Variants in PTPN3 observed in about 807,000 individuals in gnomAD.
The protein encoded by PTPN3 is tyrosine-protein phosphatase non-receptor type 3.
PTPN3 carries 96 observed loss-of-function variants against 132.7 expected under a neutral mutation model. The ratio of observed to expected loss-of-function variants is 0.72; its 90% confidence interval spans 0.61 to 0.86. The LOEUF (loss-of-function observed/expected upper bound fraction) is 0.86. Among genes scored for constraint, PTPN3 ranks in the 40% least tolerant of loss-of-function variants. The probability of loss-of-function intolerance (pLI) is 0.00; values close to 1 mark genes in which losing one functional copy is unlikely to be tolerated. For missense variants in PTPN3, 1,125 were observed against 1,159.6 expected (o/e 0.97, Z 0.43); for synonymous variants, 398 against 429.0 (o/e 0.93, Z 0.89).
intron 14 of PTPN3, among the ~76,000 whole-genome samples, chr9:109,420,135 C>T (rs1256054943): frequency 6.6e-6 from 1 of 152,108 alleles, no homozygotes; most frequent in African/African-American, 2.4e-5. Flanking sequence ...CTGGGCTTTG[C>T]TTGTGAGCTG....
intron 1 of PTPN3, among the ~76,000 whole-genome samples, chr9:109,487,315 T>C (rs1182773190): frequency 6.6e-6 from 1 of 152,338 alleles, no homozygotes; most frequent in East Asian, 1.9e-4. Flanking sequence ...GAGCAGTCCC[T>C]GGCCACTGTG....
chr9:109,425,008 C>T (rs1206323885), intron 12 of PTPN3, among the ~76,000 whole-genome samples: 1 of 152,174 alleles, frequency 6.6e-6, no homozygotes, highest in African/African-American at 2.4e-5. Context: ...GTTTCAGTTG[C>T]CTCCCCATTC....
intron 23 of PTPN3, 109 bp from the exon 24 acceptor site, chr9:109,382,556 C>T (rs542895027): frequency 4.6e-5 from 58 of 1,266,814 alleles, no homozygotes; most frequent in African/African-American, 1.6e-4. Flanking sequence ...TCTCCCTCTG[C>T]GCACAGCCCT....
chr9:109,442,472 G>A (rs924502528), intron 7 of PTPN3, among the ~76,000 whole-genome samples: 8 of 152,204 alleles, frequency 5.3e-5, no homozygotes, highest in South Asian at 2.1e-4. Flanking sequence ...TGACAGTAAT[G>A]TGACTATTTC....
the PTPN3 span, among the ~76,000 whole-genome samples, chr9:109,505,105 A>G: frequency 9.8e-5 from 15 of 152,286 alleles, no homozygotes; most frequent in Admixed American, 9.8e-4. Flanking sequence ...AGAGTCAGTA[A>G]TAATAGTGAA....
At chr9:109,456,813 G>GTGTT (rs1357293914) in intron 4 of PTPN3, among the ~76,000 whole-genome samples, 1 of 147,240 alleles carries the variant, frequency 6.8e-6, no homozygotes, top group African/African-American at 2.5e-5. Context: ...AAAGTATGAG[G>GTGTT]TGTTTGTGTT....
chr9:109,533,649 T>C, the PTPN3 span: 5 of 1,497,536 alleles, frequency 3.3e-6, no homozygotes, highest in Non-Finnish European at 4.6e-6. Flanking sequence ...CTACCTTGTT[T>C]TCCTGCACCC....
intron 7 of PTPN3, among the ~76,000 whole-genome samples, 198 bp downstream of exon 7, chr9:109,445,042 C>T (rs111675304): frequency 7.3e-4 from 111 of 152,364 alleles, no homozygotes; most frequent in African/African-American, 2.4e-3. Flanking sequence ...CCCTTAACCA[C>T]CTTCCTTAAT....
the PTPN3 span, among the ~76,000 whole-genome samples, chr9:109,531,790 A>G: frequency 6.6e-6 from 1 of 151,836 alleles, no homozygotes; most frequent in African/African-American, 2.4e-5. Flanking sequence ...GGATCCCAAC[A>G]CTTGATTCTC....
chr9:109,463,941 T>G (rs1034305767), intron 1 of PTPN3, among the ~76,000 whole-genome samples: 1 of 152,132 alleles, frequency 6.6e-6, no homozygotes, highest in Non-Finnish European at 1.5e-5. Flanking sequence ...AATATATACA[T>G]CTGCCAAGAA....
At chr9:109,472,926 T>C (rs1001938244) in intron 1 of PTPN3, among the ~76,000 whole-genome samples, 4 of 152,234 alleles carry the variant, frequency 2.6e-5, no homozygotes, top group African/African-American at 9.6e-5. Context: ...CCTGAACCTA[T>C]ATACTAAAAC....
the PTPN3 span, among the ~76,000 whole-genome samples, chr9:109,503,712 C>CA: frequency 0.19 from 23,697 of 122,566 alleles, 2,127 homozygotes; most frequent in Middle Eastern, 0.32. Context: ...GACTCCATCT[C>CA]AAAAAAAAAA....
intron 10 of PTPN3, among the ~76,000 whole-genome samples, chr9:109,430,049 T>C (rs1293953062): frequency 2.0e-5 from 3 of 152,210 alleles, no homozygotes; most frequent in African/African-American, 7.2e-5. Context: ...TTGGTAGATG[T>C]AACTGTGAAG....
In PTPN3 at chr9:109,498,229, CG is replaced by C; in HGVS notation, c.-29del. ...CGCACGGGCCCGTACCTGCAGCATC[CG>C]GGGGCGCGGAGCGCCCAGGTAGGTC... On this transcript the variant is annotated 5_prime_UTR_variant, in exon 1 of 26. Coordinates refer to ENST00000374541, the MANE Select transcript of PTPN3 (RefSeq NM_002829.4). The surrounding 1 kb of genome is among the most constrained non-coding windows in gnomAD (Gnocchi z 4.2). 1 of 146,616 alleles carries C rather than the reference CG, an allele frequency of 6.8e-6. No individual in the cohort carries two copies. 9.1% of individuals were successfully genotyped at this position (146,616 alleles called of 1,614,324 possible).
Position 109,451,708 on chromosome 9 carries a change from G to A in PTPN3, c.368+2788C>T, listed in dbSNP as rs533116599. Among the ~76,000 whole-genome samples, 39 of 152,302 alleles carry A rather than the reference G, an allele frequency of 2.6e-4. No homozygotes were observed. In the East Asian group the frequency reaches 4.1e-3, roughly 16 times the overall value. The stretch of plus-strand genomic sequence containing the variant: ...GAGAAGTGGGCTTCTCTTCCACAGC[G>A]TATGGAAGTGGATGGCCAATGGCCA... On this transcript the variant is annotated intron_variant, in intron 5 of 25. Transcript: ENST00000374541.
intron 11 of PTPN3, among the ~76,000 whole-genome samples, chr9:109,427,493 T>G (rs1366821610): frequency 6.6e-6 from 1 of 152,260 alleles, no homozygotes; most frequent in Non-Finnish European, 1.5e-5. Flanking sequence ...AGGAATACTC[T>G]TTCATCTATC....
chr9:109,410,265 G>C lies in PTPN3; in HGVS notation c.1464C>G (p.Gly488=), dbSNP rs758336144. The change falls in exon 15 of 26, where the codon GGC becomes GGG. Residue 488 remains glycine, a synonymous_variant. Coordinates refer to ENST00000374541, the MANE Select transcript of PTPN3 (RefSeq NM_002829.4). ...AGTACTGGCTGGCGTCCTCGGTGGA[G>C]CCCCCTTTGGTCACCCTGTGGAAGT... is the stretch of plus-strand genomic sequence containing the variant. The part of the protein sequence containing the change: ...LDDFHRVTKG[G]STEDASQYYC... The C allele has an allele frequency of 1.9e-6, 3 of 1,614,096 alleles. No homozygotes were observed.
the PTPN3 span, among the ~76,000 whole-genome samples, chr9:109,513,611 A>T: frequency 8.3e-4 from 127 of 152,280 alleles, no homozygotes; most frequent in Middle Eastern, 3.4e-3. Context: ...AATACTTGTT[A>T]ACTGAGTGTA....
chr9:109,421,747 G>A (rs77712657), intron 13 of PTPN3, among the ~76,000 whole-genome samples: 2,551 of 152,330 alleles, frequency 0.017, 65 homozygotes, highest in African/African-American at 0.058. Context: ...TACTATCACT[G>A]TCCCTTCCCA....
Sources: gnomAD v4.1 joint callset for allele counts (sites outside exome capture counted in the v4.1 genomes callset) on GRCh38, gnomAD v4.1.1 for gene constraint, Gnocchi (gnomAD v3.1) non-coding constraint, MANE v1.5 for transcripts, NCBI Gene and HGNC (gene_info 2026-07-23, HGNC 2026-07-21) for gene names.